Variants in DPYSL2 observed in about 807,000 individuals in gnomAD.
The protein encoded by DPYSL2 is dihydropyrimidinase-related protein 2.
Under a neutral mutation model 69.9 loss-of-function variants are expected in DPYSL2, and 13 were observed. The ratio of observed to expected loss-of-function variants is 0.19; its 90% CI spans 0.12 to 0.30. The LOEUF is 0.30. Ranked by LOEUF, DPYSL2 falls within the 10% of genes least tolerant of loss-of-function variation. DPYSL2 has a pLI of 1.00. For synonymous variants in DPYSL2, 326 were observed against 359.1 expected, an observed-to-expected ratio of 0.91 and a Z score of 1.04; for missense variants, 587 against 918.9, an observed-to-expected ratio of 0.64 and a Z score of 4.67.
At position 26,650,998 on chromosome 8, in the gene DPYSL2, G is replaced by A. The variant is rs1000097471; in HGVS notation, c.1597-1259G>A. 2.2e-4 allele frequency among the ~76,000 whole-genome samples: 33 copies of A among 152,310 alleles called. No homozygotes were observed. The highest frequency in any genetic ancestry group is 7.2e-4 in the African/African-American group (30 of 41,576). On this transcript the variant is annotated intron_variant, in intron 11 of 13. Transcript: ENST00000521913. The surrounding 1 kb of genome is among the most constrained non-coding windows in gnomAD (Gnocchi z 5.3). ...GATTTAGTCTAGGCTGGCAGTACCC[G>A]CGTGGCTCCGGCTGCTATAAGACAC...
At position 26,516,382 on chromosome 8, in the gene DPYSL2, C is replaced by T. The variant is rs1009203302; in HGVS notation, c.354+1703C>T. 6.6e-6 allele frequency among the ~76,000 whole-genome samples: 1 copy of T among 152,140 alleles called. No individual in the cohort carries two copies. The highest frequency in any genetic ancestry group is 2.4e-5 in the African/African-American group (1 of 41,414). ...AGCATCTTGGTTGAGTGAGTAGCCTCATGCATGGCGAGTTGTGCTGGTGAT... is the reference window on the plus strand; with the variant it reads ...AGCATCTTGGTTGAGTGAGTAGCCTTATGCATGGCGAGTTGTGCTGGTGAT... On this transcript the variant is annotated intron_variant, in intron 1 of 13. Transcript: ENST00000521913. The surrounding 1 kb of genome is among the most constrained non-coding windows in gnomAD (Gnocchi z 4.8).
At chr8:26,527,770 A>G (rs1808504836) in intron 1 of DPYSL2, among the ~76,000 whole-genome samples, 2 of 151,932 alleles carry the variant, frequency 1.3e-5, no homozygotes, top group Non-Finnish European at 2.9e-5. Context: ...TGGGCCTTAT[A>G]AAAAACTGAA....
intron 4 of DPYSL2, among the ~76,000 whole-genome samples, chr8:26,625,196 T>A (rs747791671): frequency 3.3e-5 from 5 of 152,236 alleles, no homozygotes; most frequent in Non-Finnish European, 7.3e-5. Flanking sequence ...CTGGGTAATT[T>A]GCTGAAATTT....
At chr8:26,563,988 T>A (rs1183330773) in intron 1 of DPYSL2, among the ~76,000 whole-genome samples, 1 of 152,010 alleles carries the variant, frequency 6.6e-6, no homozygotes, top group Non-Finnish European at 1.5e-5. Context: ...CATTGATATT[T>A]AAGACTGGGT....
chr8:26,553,103 A>G (rs1453180461), intron 1 of DPYSL2, among the ~76,000 whole-genome samples: 3 of 152,220 alleles, frequency 2.0e-5, no homozygotes, highest in Non-Finnish European at 4.4e-5. Flanking sequence ...AAACTCACAC[A>G]AGAAGAAATA....
chr8:26,577,908 G>T, intron 1 of DPYSL2: 1 of 1,148,234 alleles, frequency 8.7e-7, no homozygotes, highest in Non-Finnish European at 1.1e-6. Flanking sequence ...GGCTGGCGGC[G>T]CATGCGCCAC....
At position 26,533,081 on chromosome 8, in the gene DPYSL2, A is replaced by T. The variant is rs1800537807; in HGVS notation, c.354+18402A>T. On this transcript the variant is annotated intron_variant, in intron 1 of 13. Coordinates refer to ENST00000521913, the MANE Select transcript of DPYSL2 (RefSeq NM_001197293.3). The surrounding 1 kb of genome is among the most constrained non-coding windows in gnomAD (Gnocchi z 4.8). ...TTTGATTCCAGCCATCCTACTGGGT[A>T]TGAGTCAGTATCTCTTGTGGCTTTG... Among the ~76,000 whole-genome samples the T allele has an allele frequency of 6.6e-6, 1 of 152,174 alleles. No individual in the cohort carries two copies. The highest frequency in any genetic ancestry group is 6.5e-5 in the Admixed American group (1 of 15,276).
intron 7 of DPYSL2, among the ~76,000 whole-genome samples, chr8:26,633,485 T>G (rs1411025190): frequency 6.6e-6 from 1 of 152,222 alleles, no homozygotes; most frequent in African/African-American, 2.4e-5. Context: ...TATTTATTTA[T>G]GAGATGAAGT....
Position 26,610,508 on chromosome 8 carries a change from G to A in DPYSL2, c.629-13635G>A, listed in dbSNP as rs1438373848. Among the ~76,000 whole-genome samples the A allele has an allele frequency of 1.3e-5, 2 of 152,090 alleles. No individual in the cohort carries two copies. Among genetic ancestry groups the A allele is most frequent in the South Asian group, 2.1e-4 (1 of 4,830 alleles). ...CAGATTTGTCTTGTTTGTTTGGGTC[G>A]TATGCAGTTTCATGCAGAAGACTTA... On this transcript the variant is annotated intron_variant, in intron 3 of 13. Coordinates refer to ENST00000521913, the MANE Select transcript of DPYSL2 (RefSeq NM_001197293.3). The surrounding 1 kb of genome is among the most constrained non-coding windows in gnomAD (Gnocchi z 4.5).
At chr8:26,558,067 A>G (rs1046880717) in intron 1 of DPYSL2, among the ~76,000 whole-genome samples, 14 of 152,070 alleles carry the variant, frequency 9.2e-5, no homozygotes, top group Admixed American at 8.5e-4. Flanking sequence ...ATCTTACCAT[A>G]TGATCCTGCA....
At chr8:26,615,308 C>T (rs1261236049) in intron 3 of DPYSL2, among the ~76,000 whole-genome samples, 1 of 152,184 alleles carries the variant, frequency 6.6e-6, no homozygotes, top group African/African-American at 2.4e-5. Context: ...ATGACTCTCA[C>T]CTTTCAATGT....
At chr8:26,608,348 T>G (rs1056628627) in intron 3 of DPYSL2, among the ~76,000 whole-genome samples, 3 of 152,092 alleles carry the variant, frequency 2.0e-5, no homozygotes, top group African/African-American at 7.2e-5. Context: ...GAAGATTTTA[T>G]TTTTTTTCTC....
Position 26,597,249 on chromosome 8 carries a change from A to G in DPYSL2, c.628+13266A>G, listed in dbSNP as rs907835439. On this transcript the variant is annotated intron_variant, in intron 3 of 13. Coordinates refer to ENST00000521913, the MANE Select transcript of DPYSL2 (RefSeq NM_001197293.3). This position sits in a 1 kb window ranked among gnomAD's most constrained non-coding sequence, Gnocchi z 5.2. ...AGTAACTGATGCCATGCATTCATCA[A>G]CTGAACTTAATCCTTCTTCTGGGAG... is the stretch of plus-strand genomic sequence containing the variant. Among the ~76,000 whole-genome samples the G allele has an allele frequency of 2.6e-5, 4 of 152,166 alleles. No individual in the cohort carries two copies. Among genetic ancestry groups the G allele is most frequent in the Non-Finnish European group, 5.9e-5 (4 of 68,024 alleles).
intron 7 of DPYSL2, among the ~76,000 whole-genome samples, chr8:26,631,537 T>C (rs1022536103): frequency 6.6e-6 from 1 of 152,164 alleles, no homozygotes; most frequent in Non-Finnish European, 1.5e-5. Flanking sequence ...CCAAACCATG[T>C]CATTGCTATT....
chr8:26,574,067 T>C (rs938278513), intron 1 of DPYSL2, among the ~76,000 whole-genome samples: 4 of 152,066 alleles, frequency 2.6e-5, no homozygotes, highest in African/African-American at 4.8e-5. Flanking sequence ...AGTCAAGGCC[T>C]GATGGAAGAA....
Position 26,597,303 on chromosome 8 carries a change from A to G in DPYSL2, c.628+13320A>G, listed in dbSNP as rs1051913953. ...CGGGAGCCTTCTTCCATGCGGGGCC[A>G]GATTGAGCTGATTTCTGTCACGTAG... On this transcript the variant is annotated intron_variant, in intron 3 of 13. Transcript: ENST00000521913. This position sits in a 1 kb window ranked among gnomAD's most constrained non-coding sequence, Gnocchi z 5.2. 2.6e-5 allele frequency among the ~76,000 whole-genome samples: 4 copies of G among 152,150 alleles called. No homozygotes were observed. The highest frequency in any genetic ancestry group is 7.2e-5 in the African/African-American group (3 of 41,422).
chr8:26,526,819 G>T (rs1808485995), intron 1 of DPYSL2, among the ~76,000 whole-genome samples: 1 of 152,248 alleles, frequency 6.6e-6, no homozygotes, highest in Non-Finnish European at 1.5e-5. Context: ...GATCCATGGG[G>T]CGCCTCTGTC....
At chr8:26,570,451 C>A (rs1203707983) in intron 1 of DPYSL2, among the ~76,000 whole-genome samples, 2 of 152,086 alleles carry the variant, frequency 1.3e-5, no homozygotes, top group Non-Finnish European at 2.9e-5. Context: ...ATTAAAAGAA[C>A]TAGCCTTGGC....
intron 10 of DPYSL2, among the ~76,000 whole-genome samples, chr8:26,645,404 A>AAAT (rs578261853): frequency 2.2e-4 from 33 of 151,962 alleles, no homozygotes; most frequent in African/African-American, 6.5e-4. Context: ...CTGTTTCAAA[A>AAAT]AATAATAATA....
Sources: gnomAD v4.1 joint callset for allele counts (sites outside exome capture counted in the v4.1 genomes callset) on GRCh38, gnomAD v4.1.1 for gene constraint, Gnocchi (gnomAD v3.1) non-coding constraint, MANE v1.5 for transcripts, NCBI Gene and HGNC (gene_info 2026-07-23, HGNC 2026-07-21) for gene names.